Variants in RTN1 observed in about 807,000 individuals in gnomAD.
RTN1 encodes reticulon-1.
RTN1 carries 25 observed loss-of-function variants against 65.5 expected under a neutral mutation model. That is an observed-to-expected ratio of 0.38 (90% CI 0.28 to 0.53). The LOEUF is 0.53. RTN1 is among the 20% of genes least tolerant of loss of function. The probability of loss-of-function intolerance (pLI) is 0.79; values close to 1 mark genes in which losing one functional copy is unlikely to be tolerated. For synonymous variants in RTN1, 471 were observed against 447.6 expected, an observed-to-expected ratio of 1.05 and a Z score of -0.66; for missense variants, 983 against 1,025.4, an observed-to-expected ratio of 0.96 and a Z score of 0.57.
chr14:59,861,249 A>G (rs1887704301), intron 1 of RTN1, among the ~76,000 whole-genome samples: 1 of 152,130 alleles, frequency 6.6e-6, no homozygotes, highest in African/African-American at 2.4e-5. Context: ...ATGATAGTGA[A>G]TAAGTCTCAC....
At chr14:59,652,978 G>A (rs1157225514) in intron 3 of RTN1, among the ~76,000 whole-genome samples, 1 of 152,056 alleles carries the variant, frequency 6.6e-6, no homozygotes, top group Non-Finnish European at 1.5e-5. Context: ...CAGAAAGAGA[G>A]AGGAGAAAGA....
chr14:59,745,934 G>A lies in RTN1; in HGVS notation c.789C>T (p.Tyr263=). 6.2e-7 allele frequency: 1 copy of A among 1,614,106 alleles called. No homozygotes were observed. Among genetic ancestry groups the A allele is most frequent in the Non-Finnish European group, 8.5e-7 (1 of 1,180,006 alleles). Reference sequence around the variant, plus strand: ...GCTGTTCTTCAGAGAGATCATCTATGTATGGAGCAAATGTGGATTCTTCCA... The same window carrying A: ...GCTGTTCTTCAGAGAGATCATCTATATATGGAGCAAATGTGGATTCTTCCA... ...HLLEESTFAP[Y]IDDLSEEQRR... is the part of the protein sequence containing the mutation. The change falls in exon 2 of 9, where the codon TAC becomes TAT. Residue 263 remains tyrosine (Y), a synonymous_variant. Transcript: ENST00000267484.
At chr14:59,741,640 T>G (rs2139501756) in intron 2 of RTN1, among the ~76,000 whole-genome samples, 1 of 152,308 alleles carries the variant, frequency 6.6e-6, no homozygotes, top group South Asian at 2.1e-4. Context: ...GGCTTCCAAT[T>G]ACATTTGGAA....
chr14:59,628,861 A>G (rs1268570165), intron 3 of RTN1, among the ~76,000 whole-genome samples: 2 of 152,242 alleles, frequency 1.3e-5, no homozygotes, highest in East Asian at 3.8e-4. Context: ...TGAATATCTT[A>G]TACAAATAGA....
At chr14:59,782,114 A>C (rs1037955396) in intron 1 of RTN1, among the ~76,000 whole-genome samples, 3 of 152,142 alleles carry the variant, frequency 2.0e-5, no homozygotes, top group Non-Finnish European at 2.9e-5. Flanking sequence ...GGCACTGTCT[A>C]TGAATCAGGA....
intron 1 of RTN1, among the ~76,000 whole-genome samples, chr14:59,837,526 T>C (rs938571825): frequency 1.3e-5 from 2 of 151,930 alleles, no homozygotes; most frequent in Admixed American, 6.5e-5. Context: ...TAAATATACA[T>C]AAATGTATAT....
At chr14:59,746,568 T>C in intron 1 of RTN1, 87 bp from the exon 2 acceptor site, 1 of 1,144,434 alleles carries the variant, frequency 8.7e-7, no homozygotes, top group Non-Finnish European at 1.2e-6. Flanking sequence ...CCCTGCCTGG[T>C]GAAGACATGA....
At chr14:59,787,841 A>G (rs1476644967) in intron 1 of RTN1, among the ~76,000 whole-genome samples, 1 of 152,118 alleles carries the variant, frequency 6.6e-6, no homozygotes, top group Non-Finnish European at 1.5e-5. Flanking sequence ...CTCCCTTCCG[A>G]GTCCCCATCG....
chr14:59,673,614 G>A (rs1397549251), intron 3 of RTN1, among the ~76,000 whole-genome samples: 2 of 152,190 alleles, frequency 1.3e-5, no homozygotes, highest in Non-Finnish European at 2.9e-5. Context: ...TAGAATGGAA[G>A]CATGCATGCT....
At position 59,825,242 on chromosome 14, in the gene RTN1, C is replaced by T. The variant is rs1395897427; in HGVS notation, c.241+45148G>A. On this transcript the variant is annotated intron_variant, in intron 1 of 8. Coordinates refer to ENST00000267484, the MANE Select transcript of RTN1 (RefSeq NM_021136.3). This position sits in a 1 kb window ranked among gnomAD's most constrained non-coding sequence, Gnocchi z 4.2. ...TGTCTCCAGACATTGACAAATTTCC[C>T]CTGGGAAGAAAAACTGCTTCCCCAA... is the stretch of plus-strand genomic sequence containing the variant. Among the ~76,000 whole-genome samples, 1 of 152,114 alleles carries T rather than the reference C, an allele frequency of 6.6e-6. No individual in the cohort carries two copies. The highest frequency in any genetic ancestry group is 1.5e-5 in the Non-Finnish European group (1 of 68,020).
intron 2 of RTN1, among the ~76,000 whole-genome samples, chr14:59,736,250 T>C (rs137870473): frequency 7.3e-4 from 111 of 151,996 alleles, no homozygotes; most frequent in African/African-American, 2.6e-3. Flanking sequence ...GCTGTTTTTT[T>C]AAAAAATAAT....
intron 3 of RTN1, among the ~76,000 whole-genome samples, chr14:59,672,919 C>T (rs112367570): frequency 0.018 from 2,781 of 152,072 alleles, 78 homozygotes; most frequent in African/African-American, 0.063. Flanking sequence ...GGATTACAGG[C>T]GTGAGCCACC....
chr14:59,644,819 G>C (rs76830444), intron 3 of RTN1, among the ~76,000 whole-genome samples: 1,760 of 152,124 alleles, frequency 0.012, 16 homozygotes, highest in African/African-American at 0.036. Context: ...ACAGAAAAGT[G>C]GCCAGACTGC....
chr14:59,680,412 A>G (rs753017777), intron 3 of RTN1, among the ~76,000 whole-genome samples: 12 of 152,206 alleles, frequency 7.9e-5, no homozygotes, highest in Non-Finnish European at 1.3e-4. Flanking sequence ...TAAAAGTTAA[A>G]TAAAAAAGGA....
At chr14:59,760,731 T>C (rs968164714) in intron 1 of RTN1, among the ~76,000 whole-genome samples, 2 of 152,208 alleles carry the variant, frequency 1.3e-5, no homozygotes, top group Non-Finnish European at 2.9e-5. Flanking sequence ...ATAGGAAACA[T>C]GGACTGCACA....
At chr14:59,641,589 T>G (rs1882782553) in intron 3 of RTN1, among the ~76,000 whole-genome samples, 1 of 152,160 alleles carries the variant, frequency 6.6e-6, no homozygotes, top group Admixed American at 6.5e-5. Flanking sequence ...CAGGCTAGTC[T>G]TGAACTCCCG....
At chr14:59,776,973 T>TA (rs1886063872) in intron 1 of RTN1, among the ~76,000 whole-genome samples, 1 of 152,164 alleles carries the variant, frequency 6.6e-6, no homozygotes, top group Non-Finnish European at 1.5e-5. Context: ...TTACAGCTCT[T>TA]AAACTAAAAA....
chr14:59,687,331 T>C (rs879416534), intron 3 of RTN1, among the ~76,000 whole-genome samples: 1 of 152,084 alleles, frequency 6.6e-6, no homozygotes, highest in Non-Finnish European at 1.5e-5. Context: ...CTCCACTCCA[T>C]GCCTAGGCAG....
At chr14:59,711,585 T>G (rs555008762) in intron 3 of RTN1, among the ~76,000 whole-genome samples, 30 of 152,360 alleles carry the variant, frequency 2.0e-4, no homozygotes, top group African/African-American at 7.0e-4. Flanking sequence ...TTCACCTTTG[T>G]GTATGGAGTT....
Sources: allele counts gnomAD v4.1 joint callset (sites outside exome capture counted in the v4.1 genomes callset), GRCh38; gene constraint gnomAD v4.1.1; non-coding constraint Gnocchi (gnomAD v3.1); transcripts MANE v1.5; gene names NCBI Gene and HGNC (gene_info 2026-07-23, HGNC 2026-07-21).